CHN1: variants seen among roughly 807,000 people sequenced by gnomAD.
The protein encoded by CHN1 is N-chimaerin.
Under a neutral mutation model 59.5 loss-of-function variants are expected in CHN1, and 37 were observed. The observed-to-expected ratio is 0.62, with a 90% CI of 0.48 to 0.82. The LOEUF (loss-of-function observed/expected upper bound fraction) is 0.82. Among genes scored for constraint, CHN1 ranks in the 40% least tolerant of loss-of-function variants. CHN1 has a pLI of 0.00. For synonymous variants in CHN1, 206 were observed against 200.4 expected (o/e 1.03, Z -0.24); for missense variants, 469 against 571.0 (o/e 0.82, Z 1.82).
intron 1 of CHN1, among the ~76,000 whole-genome samples, chr2:174,984,843 C>T (rs1233313816): frequency 6.6e-6 from 1 of 152,178 alleles, no homozygotes; most frequent in East Asian, 1.9e-4. Flanking sequence ...GCAGCCAGTA[C>T]ATACAAAATC....
In CHN1 at chr2:174,890,953, G is replaced by A. The variant is rs571836240; in HGVS notation, c.261-12825C>T. 3.4e-4 allele frequency among the ~76,000 whole-genome samples: 51 copies of A among 150,172 alleles called. 1 individual carries two copies. The East Asian group carries it at 8.6e-3, about 25-fold the overall frequency. Reference sequence around the variant, plus strand: ...AAAACTAACACGGTAGGGCTAACACGGTGAAACCCTGTCTCTACTAAAAAT... The same window carrying A: ...AAAACTAACACGGTAGGGCTAACACAGTGAAACCCTGTCTCTACTAAAAAT... On this transcript the variant is annotated intron_variant, in intron 5 of 12. Coordinates refer to ENST00000409900, the MANE Select transcript of CHN1 (RefSeq NM_001822.7).
At chr2:174,844,415 T>TC (rs1686429677) in intron 7 of CHN1, among the ~76,000 whole-genome samples, 1 of 152,150 alleles carries the variant, frequency 6.6e-6, no homozygotes, top group Non-Finnish European at 1.5e-5. Flanking sequence ...TGACAGCTGT[T>TC]CGATTCCACA....
chr2:174,933,838 T>C (rs561849170), intron 3 of CHN1, among the ~76,000 whole-genome samples: 3 of 152,284 alleles, frequency 2.0e-5, no homozygotes, highest in East Asian at 3.9e-4. Flanking sequence ...GAGCTAGCTA[T>C]CACCTATGAG....
chr2:174,936,248 A>T (rs1158023789), intron 3 of CHN1, among the ~76,000 whole-genome samples: 4 of 152,154 alleles, frequency 2.6e-5, no homozygotes, highest in Non-Finnish European at 4.4e-5. Context: ...ATTTGGCTTT[A>T]TATGTTTAAA....
rs903312910 is a variant in CHN1, at chr2:174,811,529, T to C, written c.946A>G (p.Lys316Glu). The C allele has an allele frequency of 3.1e-6, 5 of 1,611,672 alleles. No homozygotes were observed. The highest frequency in any genetic ancestry group is 1.3e-5 in the African/African-American group (1 of 74,892). Residue 316 changes from lysine (K) to glutamate (E), a missense_variant, in exon 10 of 13, where the codon AAG (lysine) becomes GAG (glutamate). Transcript: ENST00000409900. ...SGFSDLIEDV[K>E]MAFDRDGEKA... Reference sequence around the variant, plus strand: ...AACATACCTCTGTCGAAAGCCATCTTGACATCTTCAATTAGGTCACTAAAT... The same window carrying C: ...AACATACCTCTGTCGAAAGCCATCTCGACATCTTCAATTAGGTCACTAAAT...
intron 6 of CHN1, among the ~76,000 whole-genome samples, chr2:174,859,096 C>A (rs1558955593): frequency 6.6e-6 from 1 of 151,678 alleles, no homozygotes; most frequent in Non-Finnish European, 1.5e-5. Context: ...TTATTTGAGG[C>A]TATCTGGCCA....
chr2:174,920,518 A>T (rs1352268103), intron 3 of CHN1, among the ~76,000 whole-genome samples: 1 of 152,194 alleles, frequency 6.6e-6, no homozygotes, highest in African/African-American at 2.4e-5. Flanking sequence ...GACTCATTTG[A>T]ATTTGGTTAA....
At chr2:174,882,669 G>C (rs1444953142) in intron 5 of CHN1, among the ~76,000 whole-genome samples, 2 of 152,128 alleles carry the variant, frequency 1.3e-5, no homozygotes, top group Non-Finnish European at 2.9e-5. Flanking sequence ...TAAAATGTTA[G>C]AAGTATTTCC....
At chr2:174,870,926 C>T (rs1262142658) in intron 6 of CHN1, among the ~76,000 whole-genome samples, 1 of 152,184 alleles carries the variant, frequency 6.6e-6, no homozygotes, top group East Asian at 1.9e-4. Context: ...ATTTGGTCTT[C>T]TGTTGGCCTG....
chr2:174,873,233 G>A (rs1687464109), intron 6 of CHN1, among the ~76,000 whole-genome samples: 1 of 152,116 alleles, frequency 6.6e-6, no homozygotes, highest in Admixed American at 6.5e-5. Context: ...AGCCACATTG[G>A]AGACTTAGGC....
intron 1 of CHN1, 72 bp downstream of exon 1, chr2:175,004,822 C>T (rs1459525736): frequency 3.8e-6 from 4 of 1,048,146 alleles, no homozygotes; most frequent in African/African-American, 1.8e-5. Flanking sequence ...GCGCCCAGGC[C>T]CCCCAGGCCC....
At chr2:174,840,057 G>A (rs989067669) in intron 7 of CHN1, among the ~76,000 whole-genome samples, 1 of 148,980 alleles carries the variant, frequency 6.7e-6, no homozygotes, top group African/African-American at 2.5e-5. Context: ...GATGTCATTT[G>A]TATTTGTATA....
intron 6 of CHN1, among the ~76,000 whole-genome samples, chr2:174,853,055 C>T (rs1824041): frequency 0.38 from 58,200 of 151,932 alleles, 11,373 homozygotes; most frequent in Admixed American, 0.48. Context: ...TTTGTGTAAT[C>T]CCTAAAAGCA....
intron 2 of CHN1, among the ~76,000 whole-genome samples, chr2:174,951,753 C>G (rs374759115): frequency 4.6e-5 from 7 of 151,982 alleles, no homozygotes; most frequent in African/African-American, 1.4e-4. Flanking sequence ...CTTTTTTTGC[C>G]TCTTTTCACT....
chr2:174,878,677 C>A (rs976993067), intron 5 of CHN1, among the ~76,000 whole-genome samples: 2 of 152,246 alleles, frequency 1.3e-5, no homozygotes, highest in Non-Finnish European at 2.9e-5. Context: ...GGCACAGAAA[C>A]ACACTTTCGC....
At chr2:174,863,491 A>C (rs943680769) in intron 6 of CHN1, among the ~76,000 whole-genome samples, 1 of 152,312 alleles carries the variant, frequency 6.6e-6, no homozygotes, top group East Asian at 1.9e-4. Flanking sequence ...CTACTCTTCT[A>C]AATTTTTTTG....
Position 174,812,131 on chromosome 2 carries a change from C to G in CHN1, c.886+178G>C, listed in dbSNP as rs535024557. On this transcript the variant is annotated intron_variant, in intron 9 of 12. Coordinates refer to ENST00000409900, the MANE Select transcript of CHN1 (RefSeq NM_001822.7). Reference sequence around the variant, plus strand: ...CACTTAGTTAAATGTACCTTGAAATCAAGCTATTTAATTGTTAAATTAATT... The same window carrying G: ...CACTTAGTTAAATGTACCTTGAAATGAAGCTATTTAATTGTTAAATTAATT... 2.3e-5 allele frequency: 10 copies of G among 438,180 alleles called. No individual in the cohort carries two copies. The South Asian group carries it at 3.2e-4, about 14-fold the overall frequency. 27.1% of individuals were successfully genotyped at this position (438,180 alleles called of 1,614,324 possible). A position where few individuals can be genotyped will look rare whatever the true frequency, so the allele number is the denominator to read the frequency against.
In CHN1 at chr2:174,800,110, A is replaced by T; in HGVS notation, c.*6T>A. 1.9e-6 allele frequency: 3 copies of T among 1,551,046 alleles called. No individual in the cohort carries two copies. The highest frequency in any genetic ancestry group is 2.6e-6 in the Non-Finnish European group (3 of 1,150,176). On this transcript the variant is annotated 3_prime_UTR_variant, in exon 13 of 13. Coordinates refer to ENST00000409900, the MANE Select transcript of CHN1 (RefSeq NM_001822.7). ...AAAACATTTCTTTTCCCCTCAAATT[A>T]AAAATTTAAAATAAAATGTCTTCGT...
chr2:174,920,369 G>A (rs1277682630), intron 3 of CHN1, among the ~76,000 whole-genome samples: 1 of 152,110 alleles, frequency 6.6e-6, no homozygotes, highest in Non-Finnish European at 1.5e-5. Context: ...GCAGAATCAT[G>A]GTAGTGGAGA....
Sources: gnomAD v4.1 joint callset for allele counts (sites outside exome capture counted in the v4.1 genomes callset) on GRCh38, gnomAD v4.1.1 for gene constraint, MANE v1.5 for transcripts, NCBI Gene and HGNC (gene_info 2026-07-23, HGNC 2026-07-21) for gene names.